The following BSN variants were observed in gnomAD, a reference collection of about 807,000 sequenced individuals.
BSN encodes the protein protein bassoon.
Under a neutral mutation model 264.8 loss-of-function variants are expected in BSN, and 57 were observed. That is an observed-to-expected ratio of 0.22 (90% CI 0.17 to 0.27). The LOEUF (loss-of-function observed/expected upper bound fraction) is 0.27, where lower values mean the gene tolerates loss of function less well. BSN is among the 10% of genes least tolerant of loss of function. BSN has a pLI of 1.00. For synonymous variants in BSN, 2,059 were observed against 2,137.3 expected, an observed-to-expected ratio of 0.96 and a Z score of 1.01; for missense variants, 4,615 against 5,232.5, an observed-to-expected ratio of 0.88 and a Z score of 3.64.
intron 1 of BSN, among the ~76,000 whole-genome samples, chr3:49,605,439 T>A (rs1200216251): frequency 4.4e-4 from 11 of 24,810 alleles, no homozygotes; most frequent in African/African-American, 1.2e-3. Flanking sequence ...TAATATATAT[T>A]ATATATATTA....
intron 1 of BSN, among the ~76,000 whole-genome samples, chr3:49,584,436 AGTTTAG>A (rs1406837622): frequency 6.6e-6 from 1 of 151,900 alleles, no homozygotes; most frequent in African/African-American, 2.4e-5. Context: ...TTAAGTCGGA[AGTTTAG>A]GTTATTGGTT....
rs979531928 is a variant in BSN, at chr3:49,641,964, C to T, written c.634-304C>T. ...GGTTGGGGTGCACAGATCTGAGGCA[C>T]TGCCAGGGGGTGGCGGGGAGGACTC... On this transcript the variant is annotated intron_variant, in intron 2 of 11. Transcript: ENST00000296452. Among the ~76,000 whole-genome samples, 4 of 149,104 alleles carry T rather than the reference C, an allele frequency of 2.7e-5. No homozygotes were observed. In the South Asian group the frequency reaches 8.7e-4, roughly 33 times the overall value.
intron 1 of BSN, among the ~76,000 whole-genome samples, chr3:49,605,461 TTATATATAA>T (rs1559602764): frequency 4.1e-4 from 6 of 14,794 alleles, no homozygotes; most frequent in Non-Finnish European, 6.2e-4. Context: ...ATAATATATA[TTATATATAA>T]TATATATTAT....
intron 1 of BSN, among the ~76,000 whole-genome samples, chr3:49,568,198 C>T (rs1056614093): frequency 6.6e-6 from 1 of 152,174 alleles, no homozygotes; most frequent in African/African-American, 2.4e-5. Flanking sequence ...TTGCTGAGAC[C>T]ATTTTTGGAA....
chr3:49,609,593 G>T (rs2052187731), intron 1 of BSN, among the ~76,000 whole-genome samples: 2 of 152,164 alleles, frequency 1.3e-5, no homozygotes, highest in South Asian at 4.1e-4. Flanking sequence ...CCAGGGTCGG[G>T]TGGTAACCCT....
At chr3:49,610,759 G>T (rs542042340) in intron 1 of BSN, among the ~76,000 whole-genome samples, 7 of 152,248 alleles carry the variant, frequency 4.6e-5, no homozygotes, top group African/African-American at 1.7e-4. Context: ...CCCAGGCAGG[G>T]TTTCCCTGGA....
intron 1 of BSN, among the ~76,000 whole-genome samples, chr3:49,564,099 A>C (rs2051735344): frequency 6.6e-6 from 1 of 152,180 alleles, no homozygotes; most frequent in Non-Finnish European, 1.5e-5. Flanking sequence ...GACCCTTGCC[A>C]GCCTGGACTG....
chr3:49,651,505 C>T lies in BSN; in HGVS notation c.1987-38C>T. 6.5e-7 allele frequency: 1 copy of T among 1,527,664 alleles called. No homozygotes were observed. The highest frequency in any genetic ancestry group is 8.8e-7 in the Non-Finnish European group (1 of 1,135,672). 94.6% of individuals were successfully genotyped at this position (1,527,664 alleles called of 1,614,324 possible). A position where few individuals can be genotyped will look rare whatever the true frequency, so the allele number is the denominator to read the frequency against. On this transcript the variant is annotated intron_variant, in intron 4 of 11. Coordinates refer to ENST00000296452, the MANE Select transcript of BSN (RefSeq NM_003458.4). This position sits in a 1 kb window ranked among gnomAD's most constrained non-coding sequence, Gnocchi z 5.4. ...GATTGGGTTCCCACCACGAGCTTTG[C>T]CATGGGGAGTCAGTGTCTGCTTTTC...
intron 1 of BSN, among the ~76,000 whole-genome samples, chr3:49,591,588 A>ATTTTTG (rs557253321): frequency 6.6e-6 from 1 of 151,102 alleles, no homozygotes; most frequent in African/African-American, 2.4e-5. Flanking sequence ...TTTCTTCCAG[A>ATTTTTG]TTTTTGTTTT....
At chr3:49,607,125 C>T (rs776220806) in intron 1 of BSN, among the ~76,000 whole-genome samples, 16 of 152,122 alleles carry the variant, frequency 1.1e-4, no homozygotes, top group Non-Finnish European at 1.9e-4. Context: ...TTGTCAGACA[C>T]AGGCCATACA....
chr3:49,625,821 A>T lies in BSN; in HGVS notation c.633+438A>T, dbSNP rs1483960991. On this transcript the variant is annotated intron_variant, in intron 2 of 11. Coordinates refer to ENST00000296452, the MANE Select transcript of BSN (RefSeq NM_003458.4). This position sits in a 1 kb window ranked among gnomAD's most constrained non-coding sequence, Gnocchi z 4.4. ...CTTTGACAGCAGGCCCTAGATGGGG[A>T]TGCTGGTGAGGGGAGAAAAGTTTCA... Among the ~76,000 whole-genome samples, 1 of 152,174 alleles carries T rather than the reference A, an allele frequency of 6.6e-6. No individual in the cohort carries two copies. The highest frequency in any genetic ancestry group is 1.5e-5 in the Non-Finnish European group (1 of 68,016).
At chr3:49,614,302 AC>A (rs1029510857) in intron 1 of BSN, among the ~76,000 whole-genome samples, 2 of 151,606 alleles carry the variant, frequency 1.3e-5, no homozygotes, top group African/African-American at 4.9e-5. Flanking sequence ...CTCGTGATCC[AC>A]CCGCCTTGGC....
rs777582486 is a variant in BSN at position 49,655,956 on chromosome 3, G to A, written c.6400G>A (p.Gly2134Arg). Residue 2134 changes from glycine to arginine, a missense_variant, in exon 5 of 12, where the codon GGG (glycine) becomes AGG (arginine). This residue lies in a region of BSN where 3,415 missense variants were observed against 3,866.4 expected (regional missense o/e 0.88). Coordinates refer to ENST00000296452, the MANE Select transcript of BSN (RefSeq NM_003458.4). Reference sequence around the variant, plus strand: ...GCAGTACCAGCCCCAGCACGGGCCCGGGCTCAGTGCTCCACAGAGTCTGGT... The same window carrying A: ...GCAGTACCAGCCCCAGCACGGGCCCAGGCTCAGTGCTCCACAGAGTCTGGT... ...LVQYQPQHGP[G>R]LSAPQSLVPL... 3.1e-6 allele frequency: 5 copies of A among 1,610,312 alleles called. No individual in the cohort carries two copies. Among genetic ancestry groups the A allele is most frequent in the South Asian group, 1.1e-5 (1 of 91,076 alleles).
intron 8 of BSN, 93 bp from the exon 9 acceptor site, chr3:49,664,330 C>T (rs572529565): frequency 1.3e-6 from 2 of 1,535,234 alleles, no homozygotes; most frequent in South Asian, 2.3e-5. Context: ...TTATAGGGTA[C>T]CTGTGTTCAG....
intron 2 of BSN, among the ~76,000 whole-genome samples, chr3:49,633,303 AAAAAAAAAAAAAG>A (rs1048703301): frequency 4.8e-4 from 71 of 148,260 alleles, no homozygotes; most frequent in Non-Finnish European, 7.8e-4. Context: ...CTCTGTCTCA[AAAAAAAAAAAAAG>A]AAAAAAAGAA....
At chr3:49,557,907 G>T (rs184550210) in intron 1 of BSN, among the ~76,000 whole-genome samples, 1 of 152,124 alleles carries the variant, frequency 6.6e-6, no homozygotes, top group African/African-American at 2.4e-5. Context: ...ATATCTAGTC[G>T]ATCAGCTAAG....
chr3:49,577,777 T>G (rs1482968324), intron 1 of BSN, among the ~76,000 whole-genome samples: 2 of 151,982 alleles, frequency 1.3e-5, no homozygotes, highest in Non-Finnish European at 2.9e-5. Context: ...TCACCTCAAG[T>G]AATCCACCCG....
chr3:49,657,849 C>A lies in BSN; in HGVS notation c.8293C>A (p.Pro2765Thr), dbSNP rs761933561. Residue 2765 changes from proline to threonine, a missense_variant, in exon 5 of 12, where the codon CCC (proline) becomes ACC (threonine). Pro to Thr is a conservative substitution (Grantham distance 38). Coordinates refer to ENST00000296452, the MANE Select transcript of BSN (RefSeq NM_003458.4). The stretch of plus-strand genomic sequence containing the variant: ...CAGATTTGAAAAAAAGAAGCCAGAT[C>A]CCCTGGAGATTGGGTACCAGGCCCA... ...LGRFEKKKPD[P>T]LEIGYQAHLP... 3.7e-6 allele frequency: 6 copies of A among 1,612,022 alleles called. No individual in the cohort carries two copies. Among genetic ancestry groups the A allele is most frequent in the Non-Finnish European group, 5.1e-6 (6 of 1,179,384 alleles).
intron 1 of BSN, among the ~76,000 whole-genome samples, chr3:49,558,727 T>G (rs1432944698): frequency 6.6e-6 from 1 of 152,220 alleles, no homozygotes; most frequent in Non-Finnish European, 1.5e-5. Flanking sequence ...GAGTGTGAAT[T>G]AAAGTGACCT....
Sources: gnomAD v4.1 joint callset for allele counts (sites outside exome capture counted in the v4.1 genomes callset) on GRCh38, gnomAD v4.1.1 for gene constraint, gnomAD v4.1.1 regional missense constraint, Gnocchi (gnomAD v3.1) non-coding constraint, MANE v1.5 for transcripts, NCBI Gene and HGNC (gene_info 2026-07-23, HGNC 2026-07-21) for gene names.